MKKS: variants seen among roughly 807,000 people sequenced by gnomAD.
MKKS encodes the protein MKKS centrosomal shuttling protein, also known as molecular chaperone MKKS.
A neutral mutation model predicts 33.2 loss-of-function variants in MKKS; 29 were observed. That is an observed-to-expected ratio of 0.87 (90% CI 0.65 to 1.19). The LOEUF (loss-of-function observed/expected upper bound fraction) is 1.19, where lower values mean the gene tolerates loss of function less well. Ranked by LOEUF, MKKS falls within the 50% of genes most tolerant of loss-of-function variation. The probability of loss-of-function intolerance (pLI) is 0.00; values close to 1 mark genes in which losing one functional copy is unlikely to be tolerated. For missense variants in MKKS, 661 were observed against 662.3 expected, an observed-to-expected ratio of 1.00 and a Z score of 0.02; for synonymous variants, 260 against 244.0, an observed-to-expected ratio of 1.07 and a Z score of -0.61.
At chr20:10,407,814 CAG>C (rs1417649763) in intron 4 of MKKS, 88 bp from the exon 5 acceptor site, 46 of 981,380 alleles carry the variant, frequency 4.7e-5, no homozygotes, top group Non-Finnish European at 6.3e-5. Context: ...ATAGTGAATA[CAG>C]AGAGTGTGAT....
At chr20:10,408,902 C>A in intron 3 of MKKS, 99 bp from the exon 4 acceptor site, 2 of 869,586 alleles carry the variant, frequency 2.3e-6, no homozygotes, top group South Asian at 1.6e-5. Flanking sequence ...AAAAGCCCCA[C>A]AAGCATATAA....
chr20:10,419,736 A>C (rs1360449191), intron 2 of MKKS, among the ~76,000 whole-genome samples: 1 of 152,234 alleles, frequency 6.6e-6, no homozygotes, highest in Non-Finnish European at 1.5e-5. Context: ...GTGACTAACG[A>C]GCAGGTAGAC....
intron 2 of MKKS, among the ~76,000 whole-genome samples, chr20:10,418,626 C>T (rs1474545794): frequency 1.3e-5 from 2 of 152,130 alleles, no homozygotes; most frequent in Non-Finnish European, 2.9e-5. Context: ...TCTCTTACTA[C>T]ATTCACCTAA....
intron 1 of MKKS, among the ~76,000 whole-genome samples, chr20:10,421,800 T>C (rs1037616097): frequency 5.3e-5 from 8 of 151,640 alleles, no homozygotes; most frequent in African/African-American, 1.9e-4. Flanking sequence ...ATATTTTAAA[T>C]TTGGAAAGGA....
In MKKS at chr20:10,413,835, G is replaced by C. The variant is rs1241509561; in HGVS notation, c.-321C>G. 2.2e-6 allele frequency: 1 copy of C among 459,732 alleles called. No individual in the cohort carries two copies. The highest frequency in any genetic ancestry group is 3.8e-6 in the Non-Finnish European group (1 of 261,136). The allele number at this position is 459,732 out of a possible 1,614,324, so 28.5% of individuals were successfully genotyped here. On this transcript the variant is annotated 5_prime_UTR_variant, in exon 3 of 6. In the 5' UTR this introduces an upstream ATG that the reference lacks. Coordinates refer to ENST00000347364, the MANE Select transcript of MKKS (RefSeq NM_170784.3). ...TGTTCCAAGATGGACACCTATGAAA[G>C]ATATCCCAGCTACAAGAAGCCAGTT...
chr20:10,411,468 T>C (rs1157550832), intron 3 of MKKS, among the ~76,000 whole-genome samples: 1 of 152,140 alleles, frequency 6.6e-6, no homozygotes, highest in Non-Finnish European at 1.5e-5. Context: ...AACTGGAAAT[T>C]GCCAGATTCA....
chr20:10,415,323 C>A (rs1214026849), intron 2 of MKKS, among the ~76,000 whole-genome samples: 1 of 152,162 alleles, frequency 6.6e-6, no homozygotes. Flanking sequence ...TAAAAGTAGG[C>A]TACAGCATAG....
intron 5 of MKKS, among the ~76,000 whole-genome samples, chr20:10,406,013 T>C (rs969521248): frequency 3.3e-5 from 5 of 152,206 alleles, no homozygotes; most frequent in African/African-American, 1.2e-4. Flanking sequence ...GGACTAGGCA[T>C]AATACATGTA....
At chr20:10,429,966 C>A (rs980646620) in intron 1 of MKKS, among the ~76,000 whole-genome samples, 1 of 152,174 alleles carries the variant, frequency 6.6e-6, no homozygotes, top group African/African-American at 2.4e-5. Flanking sequence ...AAGTTTGAGA[C>A]CCACTGTTCT....
chr20:10,425,686 A>G (rs951218739), intron 1 of MKKS, among the ~76,000 whole-genome samples: 1 of 152,244 alleles, frequency 6.6e-6, no homozygotes, highest in Non-Finnish European at 1.5e-5. Context: ...CTCAAGAATA[A>G]GCTCAAAATG....
At chr20:10,432,686 T>C (rs2065061742) in intron 1 of MKKS, among the ~76,000 whole-genome samples, 1 of 147,888 alleles carries the variant, frequency 6.8e-6, no homozygotes, top group Non-Finnish European at 1.5e-5. Context: ...CCCAAACTTC[T>C]CCGGAGGCTA....
At chr20:10,432,518 C>T (rs1038156223) in intron 1 of MKKS, among the ~76,000 whole-genome samples, 2 of 152,126 alleles carry the variant, frequency 1.3e-5, no homozygotes, top group African/African-American at 2.4e-5. Context: ...GTAGGCCAGA[C>T]GCCGTGGGTC....
intron 3 of MKKS, among the ~76,000 whole-genome samples, chr20:10,409,965 G>A (rs1222757587): frequency 3.8e-5 from 4 of 104,816 alleles, no homozygotes; most frequent in East Asian, 3.1e-4. Context: ...GCAACAGAGC[G>A]AGACTTTGTC....
intron 2 of MKKS, among the ~76,000 whole-genome samples, chr20:10,419,822 G>A (rs2064967183): frequency 6.6e-6 from 1 of 152,108 alleles, no homozygotes; most frequent in African/African-American, 2.4e-5. Context: ...TCAGAAAGGT[G>A]CATAATTTAA....
At chr20:10,408,900 C>T in intron 3 of MKKS, 97 bp from the exon 4 acceptor site, 2 of 882,304 alleles carry the variant, frequency 2.3e-6, no homozygotes, top group Non-Finnish European at 3.5e-6. Flanking sequence ...ATAAAAGCCC[C>T]ACAAGCATAT....
intron 3 of MKKS, among the ~76,000 whole-genome samples, chr20:10,410,323 C>A (rs1188178658): frequency 6.6e-6 from 1 of 151,956 alleles, no homozygotes; most frequent in Non-Finnish European, 1.5e-5. Context: ...ATAAATCAAA[C>A]CAAGTCAAAT....
chr20:10,406,902 TG>T (rs2064847680), intron 5 of MKKS, among the ~76,000 whole-genome samples: 2 of 152,218 alleles, frequency 1.3e-5, no homozygotes, highest in Non-Finnish European at 2.9e-5. Flanking sequence ...GGACAGGGCA[TG>T]TTTACCCAAT....
At chr20:10,410,812 A>G (rs1332180221) in intron 3 of MKKS, among the ~76,000 whole-genome samples, 2 of 152,192 alleles carry the variant, frequency 1.3e-5, no homozygotes, top group East Asian at 1.9e-4. Flanking sequence ...TCATCTACCT[A>G]AAAGTTTACC....
chr20:10,407,019 T>C (rs1239568430), intron 5 of MKKS, among the ~76,000 whole-genome samples: 2 of 152,170 alleles, frequency 1.3e-5, no homozygotes, highest in African/African-American at 4.8e-5. Flanking sequence ...GCACTAAACT[T>C]ATCTGAGAGC....
Sources: gnomAD v4.1 joint callset for allele counts (sites outside exome capture counted in the v4.1 genomes callset) on GRCh38, gnomAD v4.1.1 for gene constraint, MANE v1.5 for transcripts, NCBI Gene and HGNC (gene_info 2026-07-23, HGNC 2026-07-21) for gene names.